PPP2R3B: variants seen among roughly 807,000 people sequenced by gnomAD.
PPP2R3B encodes protein phosphatase 2 regulatory subunit B''beta, also known as serine/threonine-protein phosphatase 2A regulatory subunit B'' subunit beta.
Under a neutral mutation model 72.9 loss-of-function variants are expected in PPP2R3B, and 68 were observed. The observed-to-expected ratio is 0.93, with a 90% CI of 0.77 to 1.14. The LOEUF is 1.14. PPP2R3B is among the 50% of genes most tolerant of loss of function. The pLI, the probability that PPP2R3B is intolerant of heterozygous loss-of-function variation, is 0.00. For missense variants in PPP2R3B, 1,018 were observed against 842.0 expected, an observed-to-expected ratio of 1.21 and a Z score of -2.59; for synonymous variants, 466 against 375.8, an observed-to-expected ratio of 1.24 and a Z score of -2.78.
intron 2 of PPP2R3B, among the ~76,000 whole-genome samples, chrX:358,027 C>T (rs1350653150): frequency 1.3e-5 from 2 of 152,156 alleles, no homozygotes; most frequent in East Asian, 1.9e-4. Context: ...AAGCAGCCGC[C>T]GGCCAAAGTC....
intron 7 of PPP2R3B, among the ~76,000 whole-genome samples, chrX:344,456 G>GC (rs1381202589): frequency 2.0e-5 from 3 of 152,348 alleles, no homozygotes; most frequent in East Asian, 3.9e-4. Context: ...CCAAGGTGCC[G>GC]CCCCCCGCTT....
At position 338,707 on chromosome X, in the gene PPP2R3B, C is replaced by A. The variant is rs201641619; in HGVS notation, c.1474G>T (p.Gly492Cys). 1 of 1,611,948 alleles carries A rather than the reference C, an allele frequency of 6.2e-7. No homozygotes were observed. The highest frequency in any genetic ancestry group is 1.1e-5 in the South Asian group (1 of 91,052). ...GAGAGCTCGGGGCCGCCGCTGTCAC[C>A]GTCCTGGAGGAAGCACACGGGTTAC... Reference protein sequence around the residue: ...QKEQISLLRDGDSGGPELSDW... With the variant: ...QKEQISLLRDCDSGGPELSDW... Residue 492 changes from glycine to cysteine, a missense_variant, in exon 12 of 13, where the codon GGT becomes TGT. Gly to Cys is a radical substitution (Grantham distance 159). Transcript: ENST00000390665.
Position 370,947 on chromosome X carries a change from C to T in PPP2R3B, c.325-9357G>A, listed in dbSNP as rs762908421. ...GTCCACCCGAAGGACCCCGTGGGGA[C>T]GCCGGACAGTGTCTGTGTGACCAGG... is the stretch of plus-strand genomic sequence containing the variant. On this transcript the variant is annotated intron_variant, in intron 1 of 12. Coordinates refer to ENST00000390665, the MANE Select transcript of PPP2R3B (RefSeq NM_013239.5). 9.9e-5 allele frequency among the ~76,000 whole-genome samples: 15 copies of T among 152,232 alleles called. No individual in the cohort carries two copies. In the East Asian group the frequency reaches 2.1e-3, roughly 22 times the overall value.
chrX:352,515 C>G (rs1488549443), intron 2 of PPP2R3B, among the ~76,000 whole-genome samples: 7 of 152,064 alleles, frequency 4.6e-5, no homozygotes, highest in Non-Finnish European at 4.4e-5. Flanking sequence ...GACTCACACA[C>G]CTTGCTCTGT....
At chrX:364,584 G>A (rs185772404) in intron 1 of PPP2R3B, among the ~76,000 whole-genome samples, 1,901 of 148,312 alleles carry the variant, frequency 0.013, 87 homozygotes, top group Middle Eastern at 0.017. Context: ...CGGGTGTGGT[G>A]GAGGGTGCCT....
rs1199175448 is a variant in PPP2R3B, at chrX:334,129, G to A, written c.*238C>T. Reference sequence around the variant, plus strand: ...GGGTCGGGAACGGCAAGCGCCAGAGGGTGTCCGTGTGGGAACCCGTCCCAT... The same window carrying A: ...GGGTCGGGAACGGCAAGCGCCAGAGAGTGTCCGTGTGGGAACCCGTCCCAT... On this transcript the variant is annotated 3_prime_UTR_variant, in exon 13 of 13. Transcript: ENST00000390665. 1 of 410,442 alleles carries A rather than the reference G, an allele frequency of 2.4e-6. No homozygotes were observed. 25.4% of individuals were successfully genotyped at this position (410,442 alleles called of 1,614,324 possible). A position where few individuals can be genotyped will look rare whatever the true frequency, so the allele number is the denominator to read the frequency against.
chrX:384,301 T>A (rs868528380), intron 1 of PPP2R3B, among the ~76,000 whole-genome samples: 1 of 138,744 alleles, frequency 7.2e-6, no homozygotes, highest in Non-Finnish European at 1.5e-5. Context: ...TATATATACT[T>A]TTTTTTTTTT....
chrX:335,079 T>C (rs2070853025), intron 12 of PPP2R3B: 1 of 152,392 alleles, frequency 6.6e-6, no homozygotes, highest in Non-Finnish European at 1.5e-5. Flanking sequence ...GGGACACCTC[T>C]GCTTTCCAAG....
intron 2 of PPP2R3B, among the ~76,000 whole-genome samples, chrX:349,083 C>A (rs761479381): frequency 6.6e-6 from 1 of 152,170 alleles, no homozygotes; most frequent in Non-Finnish European, 1.5e-5. Context: ...AGGAGGGACA[C>A]TCTTATTCTC....
At chrX:363,882 T>C (rs1339058920) in intron 1 of PPP2R3B, among the ~76,000 whole-genome samples, 3 of 152,248 alleles carry the variant, frequency 2.0e-5, no homozygotes, top group Non-Finnish European at 4.4e-5. Context: ...GGCTCCTGTG[T>C]TTGGCAATAT....
At chrX:363,212 A>C (rs2071579345) in intron 1 of PPP2R3B, among the ~76,000 whole-genome samples, 1 of 151,798 alleles carries the variant, frequency 6.6e-6, no homozygotes. Flanking sequence ...AGGTCCCTGC[A>C]TCTCCCCGAG....
At chrX:363,510 G>GTGCCCGCAATCCCACAGTGCATCTCTCCA (rs2071598800) in intron 1 of PPP2R3B, among the ~76,000 whole-genome samples, 1 of 71,162 alleles carries the variant, frequency 1.4e-5, no homozygotes, top group African/African-American at 5.4e-5. Context: ...GCATCTCCCC[G>GTGCCCGCAATCCCACAGTGCATCTCTCCA]AGCCCGCGAT....
chrX:369,372 C>T (rs781335927), intron 1 of PPP2R3B, among the ~76,000 whole-genome samples: 54 of 152,278 alleles, frequency 3.5e-4, no homozygotes, highest in African/African-American at 1.1e-3. Context: ...CTGATAAAGG[C>T]GACACCCTGA....
At position 334,415 on chromosome X, in the gene PPP2R3B, C is replaced by G. The variant is rs2070831041; in HGVS notation, c.1680G>C (p.Val560=). Residue 560 remains valine (V), a synonymous_variant, in exon 13 of 13, where the codon GTG becomes GTC. Coordinates refer to ENST00000390665, the MANE Select transcript of PPP2R3B (RefSeq NM_013239.5). ...FFEAPSPLGA[V]DLYEYACGDE... ...CCCCGCATGCGTACTCGTACAGGTC[C>G]ACGGCGCCCAGCGGTGAGGGCGCCT... 6.3e-7 allele frequency: 1 copy of G among 1,591,686 alleles called. No homozygotes were observed. Among genetic ancestry groups the G allele is most frequent in the Non-Finnish European group, 8.5e-7 (1 of 1,174,758 alleles).
At chrX:347,399 C>T in intron 3 of PPP2R3B, 63 bp from the exon 4 acceptor site, 1 of 1,487,570 alleles carries the variant, frequency 6.7e-7, no homozygotes, top group East Asian at 2.3e-5. Flanking sequence ...CCCGCAGACG[C>T]AGGGTGGAAC....
rs117415995 is a variant in PPP2R3B, at chrX:362,290, C to T, written c.325-700G>A. 3.1e-3 allele frequency: 471 copies of T among 153,448 alleles called. 3 individuals are homozygous for T. Among genetic ancestry groups the T allele is most frequent in the Middle Eastern group, 0.024 (7 of 296 alleles). The allele number at this position is 153,448 out of a possible 1,614,324, so 9.5% of individuals were successfully genotyped here. ...CCTGCTTGCATCTCTACACAACCTG[C>T]GAGGTGGACATTTGATCTCATCCCG... On this transcript the variant is annotated intron_variant, in intron 1 of 12. Transcript: ENST00000390665.
rs768414622 is a variant in PPP2R3B at position 346,206 on chromosome X, A to C, written c.847T>G (p.Cys283Gly). 1 of 1,569,048 alleles carries C rather than the reference A, an allele frequency of 6.4e-7. No homozygotes were observed. Among genetic ancestry groups the C allele is most frequent in the Non-Finnish European group, 8.6e-7 (1 of 1,159,218 alleles). ...VNRSWSGRIT[C>G]AELRRSSFLQ... ...AAGGAGCTCCTCCGCAGCTCGGCGC[A>C]GGTGATCCTGCCGGACCAGGACCGG... The change falls in exon 6 of 13, where the codon TGC becomes GGC. Residue 283 changes from cysteine (C) to glycine (G), a missense_variant. Transcript: ENST00000390665.
chrX:341,624 C>G lies in PPP2R3B; in HGVS notation c.1086-228G>C, dbSNP rs1194459445. 21 of 641,526 alleles carry G rather than the reference C, an allele frequency of 3.3e-5. No homozygotes were observed. The East Asian group carries it at 5.7e-4, about 17-fold the overall frequency. 39.7% of individuals were successfully genotyped at this position (641,526 alleles called of 1,614,324 possible). A position where few individuals can be genotyped will look rare whatever the true frequency, so the allele number is the denominator to read the frequency against. On this transcript the variant is annotated intron_variant, in intron 8 of 12. Coordinates refer to ENST00000390665, the MANE Select transcript of PPP2R3B (RefSeq NM_013239.5). ...TCAGGAGTGCACCTTCGTTACTGCT[C>G]ACTCAGGCCCAGCGCCCGACAAGAA...
intron 1 of PPP2R3B, among the ~76,000 whole-genome samples, chrX:364,621 G>A (rs1277754298): frequency 1.4e-5 from 2 of 147,762 alleles, no homozygotes; most frequent in Non-Finnish European, 3.0e-5. Flanking sequence ...GGGAGGCTGA[G>A]GCAGGAGAAT....
Sources: allele counts gnomAD v4.1 joint callset (sites outside exome capture counted in the v4.1 genomes callset), GRCh38; gene constraint gnomAD v4.1.1; transcripts MANE v1.5; gene names NCBI Gene and HGNC (gene_info 2026-07-23, HGNC 2026-07-21).